Variants in NCAM2 observed in about 807,000 individuals in gnomAD.
NCAM2 encodes the protein N-CAM-2.
Under a neutral mutation model 98.1 loss-of-function variants are expected in NCAM2, and 30 were observed. The observed-to-expected ratio is 0.31, with a 90% CI of 0.23 to 0.41. The LOEUF (loss-of-function observed/expected upper bound fraction) is 0.41. NCAM2 is among the 10% of genes least tolerant of loss of function. The probability of loss-of-function intolerance (pLI) is 1.00; values close to 1 mark genes in which losing one functional copy is unlikely to be tolerated. For missense variants in NCAM2, 867 were observed against 1,005.8 expected (o/e 0.86, Z 1.87); for synonymous variants, 368 against 342.4 (o/e 1.07, Z -0.83).
intron 12 of NCAM2, among the ~76,000 whole-genome samples, chr21:21,454,063 TA>T (rs916798986): frequency 6.6e-6 from 1 of 152,080 alleles, no homozygotes; most frequent in African/African-American, 2.4e-5. Context: ...TTAATTGATC[TA>T]ACTTTGTAGA....
intron 12 of NCAM2, among the ~76,000 whole-genome samples, chr21:21,455,684 T>C (rs919613141): frequency 6.6e-6 from 1 of 152,006 alleles, no homozygotes; most frequent in Non-Finnish European, 1.5e-5. Context: ...TCACAAATAT[T>C]TAGTGATGTG....
intron 1 of NCAM2, among the ~76,000 whole-genome samples, chr21:21,181,114 T>G (rs1248892142): frequency 6.6e-6 from 1 of 152,164 alleles, no homozygotes; most frequent in Non-Finnish European, 1.5e-5. Flanking sequence ...CTTGCTTCGA[T>G]TACATTTTTA....
At chr21:21,379,334 AT>A (rs1411058593) in intron 9 of NCAM2, among the ~76,000 whole-genome samples, 4 of 151,890 alleles carry the variant, frequency 2.6e-5, no homozygotes. Context: ...TTAGTTGTAG[AT>A]TTTTTAGGTG....
intron 16 of NCAM2, among the ~76,000 whole-genome samples, chr21:21,515,931 A>C (rs1465267203): frequency 6.6e-6 from 1 of 152,160 alleles, no homozygotes; most frequent in East Asian, 1.9e-4. Context: ...TGGGCCATGT[A>C]ATTTTAAACT....
At position 21,482,620 on chromosome 21, in the gene NCAM2, A is replaced by C. The variant is rs566396812; in HGVS notation, c.2077+5149A>C. Among the ~76,000 whole-genome samples, 507 of 151,956 alleles carry C rather than the reference A, an allele frequency of 3.3e-3. 1 individual carries two copies. The highest frequency in any genetic ancestry group is 0.012 in the African/African-American group (485 of 41,540). ...TAGAGAACATTTATTTGTTGGACTA[A>C]AGCACTATTTTTTCGTTTTTTATCA... is the stretch of plus-strand genomic sequence containing the variant. On this transcript the variant is annotated intron_variant, in intron 15 of 17. Transcript: ENST00000400546.
At chr21:21,318,351 A>G (rs531292810) in intron 5 of NCAM2, among the ~76,000 whole-genome samples, 1 of 152,282 alleles carries the variant, frequency 6.6e-6, no homozygotes, top group African/African-American at 2.4e-5. Context: ...TTATTATCTC[A>G]TACTGTGGAA....
At chr21:21,339,724 G>C (rs2147880902) in intron 8 of NCAM2, among the ~76,000 whole-genome samples, 1 of 151,948 alleles carries the variant, frequency 6.6e-6, no homozygotes, top group South Asian at 2.1e-4. Flanking sequence ...ACATCAATCA[G>C]TCCATCCCAT....
rs899659966 is a variant in NCAM2 at position 21,401,876 on chromosome 21, C to T, written c.1196-8398C>T. Among the ~76,000 whole-genome samples the T allele has an allele frequency of 2.6e-5, 4 of 152,094 alleles. 1 individual carries two copies. In the South Asian group the frequency reaches 6.2e-4, roughly 24 times the overall value. ...AGTCAGGGACCCTGAACAGAGGGACCGGCTGGAGCTGCAGCAGAGGAAACA... is the reference window on the plus strand; with the variant it reads ...AGTCAGGGACCCTGAACAGAGGGACTGGCTGGAGCTGCAGCAGAGGAAACA... On this transcript the variant is annotated intron_variant, in intron 9 of 17. Transcript: ENST00000400546.
chr21:21,287,610 C>T (rs112581847), intron 4 of NCAM2, among the ~76,000 whole-genome samples: 1 of 151,838 alleles, frequency 6.6e-6, no homozygotes, highest in Non-Finnish European at 1.5e-5. Context: ...TAATCTTACA[C>T]CTCAAGTGTA....
intron 1 of NCAM2, among the ~76,000 whole-genome samples, chr21:21,111,004 G>A (rs985500738): frequency 1.2e-4 from 19 of 152,200 alleles, no homozygotes; most frequent in African/African-American, 4.6e-4. Context: ...TCATGCATAT[G>A]TTTCAGGAAA....
chr21:21,362,785 AT>A (rs1239461152), intron 8 of NCAM2, among the ~76,000 whole-genome samples: 3 of 152,184 alleles, frequency 2.0e-5, no homozygotes, highest in Non-Finnish European at 4.4e-5. Context: ...TGAAATCTAT[AT>A]GATAGACTAT....
intron 12 of NCAM2, among the ~76,000 whole-genome samples, chr21:21,456,581 A>C (rs1165994195): frequency 6.6e-6 from 1 of 152,152 alleles, no homozygotes; most frequent in African/African-American, 2.4e-5. Flanking sequence ...AAGATCTTAC[A>C]CCATATGCAA....
At chr21:21,045,044 C>T (rs1229383393) in intron 1 of NCAM2, among the ~76,000 whole-genome samples, 1 of 151,932 alleles carries the variant, frequency 6.6e-6, no homozygotes, top group East Asian at 1.9e-4. Context: ...GTGTGTGCAT[C>T]CTGAAAGGGT....
chr21:21,398,394 T>TC (rs761909561), intron 9 of NCAM2, among the ~76,000 whole-genome samples: 5 of 151,736 alleles, frequency 3.3e-5, no homozygotes, highest in Non-Finnish European at 7.4e-5. Flanking sequence ...CACCACCTGT[T>TC]CCCCAAAAAC....
chr21:21,540,524 A>C lies in NCAM2; in HGVS notation c.*2567A>C, dbSNP rs1392297021. ...GGAATGCTCCAAATGATTTATAAAA[A>C]TTTCAAAATAAAAGATGGCTTGTAG... On this transcript the variant is annotated 3_prime_UTR_variant, in exon 18 of 18. Coordinates refer to ENST00000400546, the MANE Select transcript of NCAM2 (RefSeq NM_004540.5). 2.6e-5 allele frequency: 4 copies of C among 151,998 alleles called. No homozygotes were observed. The highest frequency in any genetic ancestry group is 9.7e-5 in the African/African-American group (4 of 41,420). 9.4% of individuals were successfully genotyped at this position (151,998 alleles called of 1,614,324 possible).
intron 9 of NCAM2, among the ~76,000 whole-genome samples, chr21:21,399,670 T>A (rs2076586656): frequency 6.6e-6 from 1 of 152,156 alleles, no homozygotes; most frequent in Non-Finnish European, 1.5e-5. Context: ...GTTACCTGGT[T>A]CTAATATTCA....
chr21:21,075,879 G>A (rs62207595), intron 1 of NCAM2, among the ~76,000 whole-genome samples: 2 of 152,058 alleles, frequency 1.3e-5, no homozygotes, highest in African/African-American at 2.4e-5. Context: ...CACTTTGGGA[G>A]GCTGAGGCTG....
intron 1 of NCAM2, among the ~76,000 whole-genome samples, chr21:21,007,674 AC>A (rs1395625612): frequency 6.6e-6 from 1 of 152,062 alleles, no homozygotes; most frequent in African/African-American, 2.4e-5. Flanking sequence ...ATGCGTTGTA[AC>A]TAAGGTACTA....
chr21:21,090,266 G>A (rs1355826683), intron 1 of NCAM2, among the ~76,000 whole-genome samples: 1 of 152,064 alleles, frequency 6.6e-6, no homozygotes, highest in Admixed American at 6.6e-5. Flanking sequence ...AAATATGCAG[G>A]TTTTTAATGG....
Sources: gnomAD v4.1 joint callset for allele counts (sites outside exome capture counted in the v4.1 genomes callset) on GRCh38, gnomAD v4.1.1 for gene constraint, MANE v1.5 for transcripts, NCBI Gene and HGNC (gene_info 2026-07-23, HGNC 2026-07-21) for gene names.